The following TTC17 variants were observed in gnomAD, a reference collection of about 807,000 sequenced individuals.
TTC17 encodes the protein tetratricopeptide repeat protein 17.
In TTC17, 58 loss-of-function variants were observed where a neutral mutation model predicts 143.8. The ratio of observed to expected loss-of-function variants is 0.40; its 90% CI spans 0.33 to 0.50. The LOEUF (loss-of-function observed/expected upper bound fraction) is 0.50, where lower values mean the gene tolerates loss of function less well. Ranked by LOEUF, TTC17 falls within the 20% of genes least tolerant of loss-of-function variation. TTC17 has a pLI of 0.49. For missense variants in TTC17, 1,273 were observed against 1,392.5 expected, an observed-to-expected ratio of 0.91 and a Z score of 1.37; for synonymous variants, 501 against 497.8, an observed-to-expected ratio of 1.01 and a Z score of -0.09.
chr11:43,448,409 A>G (rs1489879471), intron 19 of TTC17, among the ~76,000 whole-genome samples: 1 of 152,188 alleles, frequency 6.6e-6, no homozygotes, highest in Non-Finnish European at 1.5e-5. Context: ...CTATAGAAGC[A>G]CAAAACCCAT....
At chr11:43,375,965 T>G (rs186428390) in intron 1 of TTC17, among the ~76,000 whole-genome samples, 1 of 152,216 alleles carries the variant, frequency 6.6e-6, no homozygotes, top group Non-Finnish European at 1.5e-5. Flanking sequence ...TAACAATATC[T>G]TGGTTAATTA....
chr11:43,411,046 A>C (rs1356050291), intron 15 of TTC17, among the ~76,000 whole-genome samples: 1 of 152,208 alleles, frequency 6.6e-6, no homozygotes, highest in Non-Finnish European at 1.5e-5. Flanking sequence ...TCATACAGCA[A>C]CAGTGAAATC....
intron 16 of TTC17, chr11:43,436,236 A>T (rs1040661343): frequency 2.0e-6 from 3 of 1,486,426 alleles, no homozygotes; most frequent in Non-Finnish European, 2.7e-6. Flanking sequence ...CAGTCACTGG[A>T]TGCTGCTGAA....
chr11:43,398,437 T>TA (rs758130168), intron 8 of TTC17, among the ~76,000 whole-genome samples: 13 of 152,240 alleles, frequency 8.5e-5, no homozygotes, highest in East Asian at 7.7e-4. Context: ...GTTGACTACT[T>TA]ACTTTGTTGA....
chr11:43,381,540 TAAC>T (rs1051619610), intron 2 of TTC17, among the ~76,000 whole-genome samples: 10 of 151,948 alleles, frequency 6.6e-5, no homozygotes, highest in African/African-American at 2.4e-4. Context: ...ATAATAATAA[TAAC>T]AACAACAAAA....
intron 8 of TTC17, 57 bp from the exon 9 acceptor site, chr11:43,399,831 G>T (rs1857772553): frequency 6.5e-7 from 1 of 1,532,020 alleles, no homozygotes; most frequent in African/African-American, 1.4e-5. Flanking sequence ...ATTTAAGTGG[G>T]TTTAAAATTT....
chr11:43,400,129 C>A, intron 9 of TTC17, 81 bp downstream of exon 9: 1 of 1,458,226 alleles, frequency 6.9e-7, no homozygotes, highest in Non-Finnish European at 9.3e-7. Flanking sequence ...TTTCTTGTAG[C>A]CTTAAAGCAG....
At chr11:43,364,045 C>CACTT (rs1565126087) in intron 1 of TTC17, among the ~76,000 whole-genome samples, 2 of 139,966 alleles carry the variant, frequency 1.4e-5, no homozygotes. Flanking sequence ...AGTACAGATC[C>CACTT]TCTTTTTTTT....
chr11:43,406,598 G>A (rs1858147898), intron 13 of TTC17, among the ~76,000 whole-genome samples: 1 of 151,212 alleles, frequency 6.6e-6, no homozygotes, highest in African/African-American at 2.4e-5. Flanking sequence ...CAAAACTATA[G>A]GCACTTACTG....
chr11:43,461,623 T>C (rs1231601571), intron 21 of TTC17, among the ~76,000 whole-genome samples: 1 of 152,166 alleles, frequency 6.6e-6, no homozygotes, highest in East Asian at 1.9e-4. Context: ...GATAGAAATA[T>C]GGACTTGGAA....
chr11:43,406,035 A>C, intron 13 of TTC17, 84 bp downstream of exon 13: 1 of 1,442,952 alleles, frequency 6.9e-7, no homozygotes, highest in Non-Finnish European at 9.3e-7. Context: ...AAATTGATAG[A>C]AGGTAGCTGT....
At chr11:43,402,999 T>C (rs1047636934) in intron 10 of TTC17, among the ~76,000 whole-genome samples, 25 of 152,210 alleles carry the variant, frequency 1.6e-4, no homozygotes, top group African/African-American at 5.5e-4. Flanking sequence ...GGGGAAATAG[T>C]GATAGGGACC....
chr11:43,379,098 C>A (rs912895052), intron 1 of TTC17, 135 bp from the exon 2 acceptor site: 3 of 814,750 alleles, frequency 3.7e-6, no homozygotes, highest in Non-Finnish European at 6.1e-6. Flanking sequence ...CTTTGAAATA[C>A]TCCTTGAGTT....
chr11:43,440,818 C>T (rs1947400804), intron 16 of TTC17, among the ~76,000 whole-genome samples: 1 of 152,178 alleles, frequency 6.6e-6, no homozygotes, highest in Non-Finnish European at 1.5e-5. Flanking sequence ...ACATCACCTA[C>T]CTTTTCCTCA....
chr11:43,360,996 A>G (rs1385327199), intron 1 of TTC17, among the ~76,000 whole-genome samples: 5 of 152,342 alleles, frequency 3.3e-5, no homozygotes, highest in African/African-American at 1.2e-4. Flanking sequence ...ACAAGATTTT[A>G]TGCCAGAAGA....
intron 16 of TTC17, among the ~76,000 whole-genome samples, chr11:43,433,952 T>G (rs1359105064): frequency 6.6e-6 from 1 of 152,176 alleles, no homozygotes; most frequent in South Asian, 2.1e-4. Context: ...CATAATAAAT[T>G]ATACTCAATT....
At chr11:43,415,017 A>G (rs1174143906) in intron 16 of TTC17, among the ~76,000 whole-genome samples, 1 of 152,168 alleles carries the variant, frequency 6.6e-6, no homozygotes, top group Admixed American at 6.6e-5. Flanking sequence ...TGGTATATTC[A>G]ACTGGGATGG....
intron 1 of TTC17, among the ~76,000 whole-genome samples, chr11:43,377,474 C>G (rs1856805521): frequency 6.6e-6 from 1 of 152,142 alleles, no homozygotes; most frequent in Admixed American, 6.5e-5. Flanking sequence ...AAAGACAAGT[C>G]ATACATCTTA....
At chr11:43,412,981 GAC>G (rs57982323) in intron 15 of TTC17, among the ~76,000 whole-genome samples, 3,951 of 140,418 alleles carry the variant, frequency 0.028, 68 homozygotes, top group African/African-American at 0.042. Context: ...ACCTAGAATA[GAC>G]ACACACACAC....
Sources: gnomAD v4.1 joint callset for allele counts (sites outside exome capture counted in the v4.1 genomes callset) on GRCh38, gnomAD v4.1.1 for gene constraint, MANE v1.5 for transcripts, NCBI Gene and HGNC (gene_info 2026-07-23, HGNC 2026-07-21) for gene names.